C1QTNF7: variants seen among roughly 807,000 people sequenced by gnomAD.
The protein encoded by C1QTNF7 is C1q and TNF related 7, also known as complement C1q tumor necrosis factor-related protein 7.
C1QTNF7 carries 15 observed loss-of-function variants against 19.6 expected under a neutral mutation model. The observed-to-expected ratio is 0.76, with a 90% confidence interval of 0.51 to 1.18. C1QTNF7 has a LOEUF of 1.18. Ranked by LOEUF, C1QTNF7 falls within the 50% of genes most tolerant of loss-of-function variation. The pLI is 0.00. For missense variants in C1QTNF7, 324 were observed against 359.7 expected, an observed-to-expected ratio of 0.90 and a Z score of 0.80; for synonymous variants, 142 against 137.5, an observed-to-expected ratio of 1.03 and a Z score of -0.23.
At chr4:15,384,570 A>G (rs1483072328) in intron 1 of C1QTNF7, among the ~76,000 whole-genome samples, 1 of 152,190 alleles carries the variant, frequency 6.6e-6, no homozygotes, top group African/African-American at 2.4e-5. Context: ...CCTCACCAGC[A>G]AAGAGGTGTG....
At chr4:15,352,322 A>G (rs907167669) in intron 1 of C1QTNF7, among the ~76,000 whole-genome samples, 1 of 152,146 alleles carries the variant, frequency 6.6e-6, no homozygotes, top group African/African-American at 2.4e-5. Context: ...AGATTCTGAG[A>G]GGTTTGGCAG....
chr4:15,360,131 A>G (rs1717284875), intron 1 of C1QTNF7, among the ~76,000 whole-genome samples: 1 of 152,176 alleles, frequency 6.6e-6, no homozygotes, highest in African/African-American at 2.4e-5. Flanking sequence ...TTCAAAGGCT[A>G]CCACTTAGAC....
At chr4:15,371,101 T>C (rs553141425) in intron 1 of C1QTNF7, among the ~76,000 whole-genome samples, 1 of 152,220 alleles carries the variant, frequency 6.6e-6, no homozygotes, top group African/African-American at 2.4e-5. Flanking sequence ...CTGAGGCTGT[T>C]GGGGTATGAA....
chr4:15,441,240 GTTCTC>G (rs1712745891), intron 2 of C1QTNF7, among the ~76,000 whole-genome samples: 1 of 152,184 alleles, frequency 6.6e-6, no homozygotes, highest in Non-Finnish European at 1.5e-5. Flanking sequence ...TCATTCACTA[GTTCTC>G]TTCTCTTCAG....
At chr4:15,398,170 T>G (rs1187897329) in intron 1 of C1QTNF7, among the ~76,000 whole-genome samples, 2 of 152,178 alleles carry the variant, frequency 1.3e-5, no homozygotes, top group East Asian at 3.8e-4. Context: ...TAATCATGAC[T>G]GAAATATGGC....
At chr4:15,379,517 C>T (rs1440113371) in intron 1 of C1QTNF7, among the ~76,000 whole-genome samples, 2 of 152,102 alleles carry the variant, frequency 1.3e-5, no homozygotes, top group Non-Finnish European at 2.9e-5. Context: ...TGTTAAATAA[C>T]AAGGAAGTTC....
chr4:15,345,769 C>T (rs141511269), intron 1 of C1QTNF7, among the ~76,000 whole-genome samples: 51 of 152,266 alleles, frequency 3.3e-4, no homozygotes, highest in Non-Finnish European at 3.7e-4. Context: ...AGTTTGCCAG[C>T]GGAGGAGGCA....
At position 15,341,235 on chromosome 4, in the gene C1QTNF7, C is replaced by T. The variant is rs147706419; in HGVS notation, c.13+1028C>T. The stretch of plus-strand genomic sequence containing the variant: ...TTTGCGACATTTAGGTGACCTCAGG[C>T]TGCAAAACCCACTGGTACAGAAACA... On this transcript the variant is annotated intron_variant, in intron 1 of 2. Transcript: ENST00000295297. Among the ~76,000 whole-genome samples the T allele has an allele frequency of 5.9e-3, 893 of 152,304 alleles. 5 individuals carry two copies. The highest frequency in any genetic ancestry group is 0.021 in the African/African-American group (854 of 41,554).
At chr4:15,440,939 G>C (rs961380891) in intron 2 of C1QTNF7, among the ~76,000 whole-genome samples, 2 of 151,972 alleles carry the variant, frequency 1.3e-5, no homozygotes, top group Admixed American at 1.3e-4. Flanking sequence ...TCAGGAGTTC[G>C]AGACCAGCCT....
chr4:15,388,806 C>A (rs1718443403), intron 1 of C1QTNF7, among the ~76,000 whole-genome samples: 1 of 152,140 alleles, frequency 6.6e-6, no homozygotes, highest in African/African-American at 2.4e-5. Flanking sequence ...GGATCAGGAG[C>A]TGAAATCTCC....
chr4:15,441,335 AACTT>A (rs1712749105), intron 2 of C1QTNF7, among the ~76,000 whole-genome samples: 1 of 152,222 alleles, frequency 6.6e-6, no homozygotes. Flanking sequence ...GTCACTGTGA[AACTT>A]AAATAAGATA....
chr4:15,373,062 T>C (rs4698374), intron 1 of C1QTNF7, among the ~76,000 whole-genome samples: 73,699 of 152,076 alleles, frequency 0.48, 19,320 homozygotes, highest in African/African-American at 0.68. Flanking sequence ...CCATTAGTAC[T>C]GCTATAACAA....
chr4:15,379,354 G>A (rs1281991462), intron 1 of C1QTNF7, among the ~76,000 whole-genome samples: 1 of 152,134 alleles, frequency 6.6e-6, no homozygotes, highest in East Asian at 1.9e-4. Flanking sequence ...AGTCGACAGA[G>A]AAGGGGAAAA....
rs1350396046 is a variant in C1QTNF7, at chr4:15,442,415, A to G, written c.486A>G (p.Arg162=). The change falls in exon 3 of 3, where the codon AGA becomes AGG. Residue 162 remains arginine, a synonymous_variant. Transcript: ENST00000444304. The stretch of plus-strand genomic sequence containing the variant: ...TCACAACCAGCTACCCAGAAGAAAG[A>G]CTACCTATTATATTTAACAAGGTCC... ...VGITTSYPEE[R]LPIIFNKVLF... The G allele has an allele frequency of 1.2e-6, 2 of 1,614,196 alleles. No homozygotes were observed. The highest frequency in any genetic ancestry group is 3.3e-5 in the Admixed American group (2 of 60,030).
intron 1 of C1QTNF7, among the ~76,000 whole-genome samples, chr4:15,396,644 G>T (rs723299): frequency 0.098 from 14,927 of 152,134 alleles, 1,121 homozygotes; most frequent in Admixed American, 0.2. Context: ...AAAAAGGTGT[G>T]TTATTGAGTG....
intron 1 of C1QTNF7, among the ~76,000 whole-genome samples, chr4:15,369,815 G>A (rs1444709653): frequency 1.3e-5 from 2 of 152,150 alleles, no homozygotes; most frequent in Admixed American, 6.5e-5. Context: ...TGGAAGGTAA[G>A]CACCATAATT....
exon 1 of C1QTNF7, chr4:15,340,103 AT>A: frequency 7.1e-7 from 1 of 1,412,358 alleles, no homozygotes; most frequent in Non-Finnish European, 9.8e-7. Flanking sequence ...ATAAACACAT[AT>A]TTCTGCTTTA....
intron 2 of C1QTNF7, among the ~76,000 whole-genome samples, chr4:15,436,385 CAG>C (rs1191564540): frequency 6.6e-6 from 1 of 152,184 alleles, no homozygotes; most frequent in Non-Finnish European, 1.5e-5. Flanking sequence ...GATGGACAGA[CAG>C]AGAGATGGAC....
chr4:15,413,931 AT>A (rs1467040929), intron 1 of C1QTNF7, among the ~76,000 whole-genome samples: 1 of 152,280 alleles, frequency 6.6e-6, no homozygotes, highest in East Asian at 1.9e-4. Context: ...AAGAAACAGT[AT>A]TTTTTCTTTC....
Sources: gnomAD v4.1 joint callset for allele counts (sites outside exome capture counted in the v4.1 genomes callset) on GRCh38, gnomAD v4.1.1 for gene constraint, MANE v1.5 for transcripts, NCBI Gene and HGNC (gene_info 2026-07-23, HGNC 2026-07-21) for gene names.